CENATAC: variants seen among roughly 807,000 people sequenced by gnomAD.
The protein encoded by CENATAC is centrosomal AT-AC splicing factor.
CENATAC carries 53 observed loss-of-function variants against 53.7 expected under a neutral mutation model. The observed-to-expected ratio is 0.99, with a 90% CI of 0.79 to 1.24. CENATAC has a LOEUF of 1.24. Among genes scored for constraint, CENATAC ranks in the 50% most tolerant of loss-of-function variants. The pLI is 0.00. For synonymous variants in CENATAC, 156 were observed against 144.6 expected, an observed-to-expected ratio of 1.08 and a Z score of -0.57; for missense variants, 474 against 417.8, an observed-to-expected ratio of 1.13 and a Z score of -1.17.
In CENATAC at chr11:119,010,754, T is replaced by C. The variant is rs1389598608; in HGVS notation, c.384-10T>C. The C allele has an allele frequency of 3.1e-6, 5 of 1,614,128 alleles. No individual in the cohort carries two copies. Among genetic ancestry groups the C allele is most frequent in the Non-Finnish European group, 4.2e-6 (5 of 1,179,960 alleles). On this transcript the variant is annotated splice_polypyrimidine_tract_variant and intron_variant, in intron 3 of 10. Coordinates refer to ENST00000334418, the MANE Select transcript of CENATAC (RefSeq NM_198489.3). ...TGGGTTCTGGGTGGTTTTGCCCCTT[T>C]TCTTTTTAGATTCAAGAAATCCATG...
At chr11:118,998,746 G>T (rs1942139358) in intron 2 of CENATAC, among the ~76,000 whole-genome samples, 153 bp downstream of exon 2, 1 of 152,100 alleles carries the variant, frequency 6.6e-6, no homozygotes, top group African/African-American at 2.4e-5. Flanking sequence ...TTAGGGTAGG[G>T]GTCATATGCT....
At chr11:119,010,510 G>A (rs1047711606) in intron 3 of CENATAC, 2 of 492,648 alleles carry the variant, frequency 4.1e-6, no homozygotes, top group East Asian at 3.1e-5. Context: ...CTTGGGAGAT[G>A]TGTGTTGAAA....
rs782283848 is a variant in CENATAC, at chr11:119,011,969, T to TC, written c.545dup (p.Ser183PhefsTer4). 5.2e-5 allele frequency: 84 copies of TC among 1,613,890 alleles called. No individual in the cohort carries two copies. Among genetic ancestry groups the TC allele is most frequent in the Non-Finnish European group, 6.5e-5 (77 of 1,179,988 alleles). On this transcript the variant is annotated frameshift_variant, in exon 6 of 11. Coordinates refer to ENST00000334418, the MANE Select transcript of CENATAC (RefSeq NM_198489.3). LOFTEE classifies it high-confidence loss of function. Reference sequence around the variant, plus strand: ...GGCAGTGCCAGACCCAGAAGAGGGCTCTTCAGCACCTAGAAGCTGGAAAGG... The same window carrying TC: ...GGCAGTGCCAGACCCAGAAGAGGGCTCCTTCAGCACCTAGAAGCTGGAAAGG...
intron 3 of CENATAC, among the ~76,000 whole-genome samples, chr11:118,999,853 A>G (rs983398494): frequency 2.0e-5 from 3 of 152,126 alleles, no homozygotes; most frequent in African/African-American, 4.8e-5. Context: ...CGTGTTAGCC[A>G]GGATGGTCTC....
chr11:119,007,592 C>G (rs373807547), intron 3 of CENATAC, among the ~76,000 whole-genome samples: 2 of 152,096 alleles, frequency 1.3e-5, no homozygotes, highest in African/African-American at 4.8e-5. Context: ...CAGGCTCAAG[C>G]AATCCTCCCA....
chr11:119,006,464 C>A lies in CENATAC; in HGVS notation c.384-4300C>A, dbSNP rs374871499. 1.1e-4 allele frequency among the ~76,000 whole-genome samples: 17 copies of A among 151,780 alleles called. No individual in the cohort carries two copies. In the South Asian group the frequency reaches 3.5e-3, roughly 32 times the overall value. On this transcript the variant is annotated intron_variant, in intron 3 of 10. Transcript: ENST00000334418. ...TGTTAGCCAGGATGGTCTTGATCTC[C>A]TGACCTCGTGATCCGCCTGCCTCGG...
Position 118,998,571 on chromosome 11 carries a change from G to T in CENATAC, c.262G>T (p.Gly88Trp). The change falls in exon 2 of 11, where the codon GGG (glycine) becomes TGG (tryptophan). Residue 88 changes from glycine (G) to tryptophan (W), a missense_variant. By Grantham distance (184) the Gly-to-Trp change is radical (BLOSUM62 -2). Transcript: ENST00000334418. ...SHGNLTVLYG[G>W]LLEHLASPEH... ...TGGAAACCTGACGGTGCTGTACGGGGGGCTGCTGGAGCATCTGGCCAGGTG... is the reference window on the plus strand; with the variant it reads ...TGGAAACCTGACGGTGCTGTACGGGTGGCTGCTGGAGCATCTGGCCAGGTG... 4 of 1,572,004 alleles carry T rather than the reference G, an allele frequency of 2.5e-6. No individual in the cohort carries two copies. The highest frequency in any genetic ancestry group is 3.5e-6 in the Non-Finnish European group (4 of 1,157,838).
chr11:118,998,510 G>C lies in CENATAC; in HGVS notation c.201G>C (p.Leu67=), dbSNP rs1364294980. The C allele has an allele frequency of 6.2e-7, 1 of 1,611,824 alleles. No individual in the cohort carries two copies. Among genetic ancestry groups the C allele is most frequent in the South Asian group, 1.1e-5 (1 of 90,620 alleles). Residue 67 remains leucine (L), a synonymous_variant, in exon 2 of 11, where the codon CTG becomes CTC. Transcript: ENST00000334418. ...AACACGAGCGATGCTGCTGGTGCCTGTGCTGCGGCTGTGAGGTGCGGGAAC... is the reference window on the plus strand; with the variant it reads ...AACACGAGCGATGCTGCTGGTGCCTCTGCTGCGGCTGTGAGGTGCGGGAAC... ...VPEHERCCWC[L]CCGCEVREHL...
chr11:119,012,119 T>G, intron 6 of CENATAC, 30 bp from the exon 7 acceptor site: 1 of 1,614,136 alleles, frequency 6.2e-7, no homozygotes, highest in Non-Finnish European at 8.5e-7. Context: ...CTCAAGGACC[T>G]CATCTGGCAG....
At chr11:119,003,335 A>T (rs898013633) in intron 3 of CENATAC, 1 of 533,944 alleles carries the variant, frequency 1.9e-6, no homozygotes, top group African/African-American at 1.9e-5. Flanking sequence ...TGATACGCGG[A>T]TCTTCTTTTT....
In CENATAC at chr11:119,001,828, A is replaced by T. The variant is rs532673616; in HGVS notation, c.383+2719A>T. The T allele has an allele frequency of 2.9e-4, 106 of 364,022 alleles. 1 individual carries two copies. The highest frequency in any genetic ancestry group is 2.1e-3 in the South Asian group (100 of 48,166). The allele number at this position is 364,022 out of a possible 1,614,324, so 22.5% of individuals were successfully genotyped here. A position where few individuals can be genotyped will look rare whatever the true frequency, so the allele number is the denominator to read the frequency against. ...TCCTAGCTACTCAGGAGGCTGAGGT[A>T]AGAGGATAGCTTGAGCCCAGGAGTT... On this transcript the variant is annotated intron_variant, in intron 3 of 10. Coordinates refer to ENST00000334418, the MANE Select transcript of CENATAC (RefSeq NM_198489.3).
At chr11:119,007,823 TAC>T (rs1414590006) in intron 3 of CENATAC, among the ~76,000 whole-genome samples, 2 of 152,182 alleles carry the variant, frequency 1.3e-5, no homozygotes, top group Admixed American at 1.3e-4. Context: ...TTGTCAAACA[TAC>T]ACACACAAGG....
chr11:119,014,843 G>C lies in CENATAC; in HGVS notation c.716-151G>C. 5.4e-6 allele frequency: 3 copies of C among 556,656 alleles called. No homozygotes were observed. The South Asian group carries it at 7.8e-5, about 15-fold the overall frequency. The allele number at this position is 556,656 out of a possible 1,614,324, so 34.5% of individuals were successfully genotyped here. A position where few individuals can be genotyped will look rare whatever the true frequency, so the allele number is the denominator to read the frequency against. On this transcript the variant is annotated intron_variant, in intron 8 of 10. Transcript: ENST00000334418. The stretch of plus-strand genomic sequence containing the variant: ...ATATGGGGTATGTCGCTTTAAATTA[G>C]CCTAGGGCCTTCTAAAGCTCCAGAA...
chr11:119,014,033 G>C (rs1484801859), intron 8 of CENATAC: 1 of 152,176 alleles, frequency 6.6e-6, no homozygotes, highest in Admixed American at 6.6e-5. Context: ...ACTGCTCTTA[G>C]AATGTAAACT....
intron 9 of CENATAC, 90 bp downstream of exon 9, chr11:119,015,173 C>A: frequency 1.4e-6 from 2 of 1,454,688 alleles, no homozygotes; most frequent in Non-Finnish European, 1.9e-6. Flanking sequence ...TGGCTATAAT[C>A]CTAGCATTTT....
intron 3 of CENATAC, among the ~76,000 whole-genome samples, chr11:118,999,651 T>C (rs1477633189): frequency 6.7e-6 from 1 of 148,204 alleles, no homozygotes; most frequent in Non-Finnish European, 1.5e-5. Flanking sequence ...TTTTTTCTTT[T>C]TTTCTTTTTC....
intron 3 of CENATAC, 65 bp from the exon 4 acceptor site, chr11:119,010,699 G>T: frequency 7.3e-7 from 1 of 1,378,708 alleles, no homozygotes; most frequent in South Asian, 1.2e-5. Context: ...AATATCTACT[G>T]AGGAGCTTTT....
chr11:119,011,758 G>A (rs898473532), intron 5 of CENATAC, among the ~76,000 whole-genome samples, 181 bp from the exon 6 acceptor site: 3 of 144,494 alleles, frequency 2.1e-5, no homozygotes, highest in Non-Finnish European at 4.6e-5. Flanking sequence ...GGCAGGCCTA[G>A]TCAGTGAATA....
intron 3 of CENATAC, chr11:119,003,269 T>C: frequency 2.5e-5 from 13 of 529,540 alleles, no homozygotes; most frequent in South Asian, 1.7e-4. Flanking sequence ...GGGGGTGCTC[T>C]TAAGATATTT....
Sources: gnomAD v4.1 joint callset for allele counts (sites outside exome capture counted in the v4.1 genomes callset) on GRCh38, gnomAD v4.1.1 for gene constraint, MANE v1.5 for transcripts, NCBI Gene and HGNC (gene_info 2026-07-23, HGNC 2026-07-21) for gene names.